The following SLC22A24 variants were observed in gnomAD, a reference collection of about 807,000 sequenced individuals.
SLC22A24 encodes the protein solute carrier family 22 member 24, also known as steroid transmembrane transporter SLC22A24.
Under a neutral mutation model 49.8 loss-of-function variants are expected in SLC22A24, and 53 were observed. The observed-to-expected ratio is 1.06, with a 90% CI of 0.85 to 1.34. SLC22A24 has a LOEUF of 1.34. SLC22A24 is among the 40% of genes most tolerant of loss of function. SLC22A24 has a pLI of 0.00. For missense variants in SLC22A24, 786 were observed against 675.9 expected, an observed-to-expected ratio of 1.16 and a Z score of -1.81; for synonymous variants, 302 against 256.4, an observed-to-expected ratio of 1.18 and a Z score of -1.70.
chr11:63,098,701 A>G (rs1001238988), intron 5 of SLC22A24, among the ~76,000 whole-genome samples: 3 of 152,088 alleles, frequency 2.0e-5, no homozygotes, highest in African/African-American at 4.8e-5. Flanking sequence ...AAATAAAAAA[A>G]CTAAACAATC....
At chr11:63,097,214 C>G (rs550450179) in intron 5 of SLC22A24, among the ~76,000 whole-genome samples, 1 of 121,202 alleles carries the variant, frequency 8.3e-6, no homozygotes, top group South Asian at 3.2e-4. Context: ...CTACAAGGAA[C>G]TTAAACAAAT....
At chr11:63,087,882 T>A (rs2086996866) in intron 6 of SLC22A24, among the ~76,000 whole-genome samples, 2 of 152,150 alleles carry the variant, frequency 1.3e-5, no homozygotes, top group African/African-American at 2.4e-5. Flanking sequence ...GGGCAAAGCA[T>A]CTCTGAAGGA....
chr11:63,080,896 G>C, intron 9 of SLC22A24, 24 bp downstream of exon 9: 1 of 1,542,864 alleles, frequency 6.5e-7, no homozygotes, highest in Non-Finnish European at 8.8e-7. Flanking sequence ...CCCCACTCAA[G>C]TGACAGCTAG....
At chr11:63,117,659 T>C (rs2087221030) in intron 4 of SLC22A24, among the ~76,000 whole-genome samples, 1 of 152,206 alleles carries the variant, frequency 6.6e-6, no homozygotes, top group African/African-American at 2.4e-5. Flanking sequence ...ACTTAATGAA[T>C]AGTAAATACA....
chr11:63,109,973 G>C (rs2087150834), intron 4 of SLC22A24, among the ~76,000 whole-genome samples: 1 of 152,116 alleles, frequency 6.6e-6, no homozygotes, highest in Non-Finnish European at 1.5e-5. Flanking sequence ...GGGTTTTTAT[G>C]GTTTTAGATC....
intron 5 of SLC22A24, among the ~76,000 whole-genome samples, chr11:63,098,722 T>C (rs1172296247): frequency 6.6e-6 from 1 of 151,882 alleles, no homozygotes; most frequent in African/African-American, 2.4e-5. Context: ...TAATGATGTG[T>C]CTTACAGAAT....
At chr11:63,126,125 T>C (rs576630369) in intron 2 of SLC22A24, among the ~76,000 whole-genome samples, 2 of 152,266 alleles carry the variant, frequency 1.3e-5, no homozygotes, top group South Asian at 2.1e-4. Context: ...TTCACTCTAA[T>C]GGTAGTTTCT....
At chr11:63,088,181 T>C (rs1055915797) in intron 6 of SLC22A24, among the ~76,000 whole-genome samples, 15 of 152,174 alleles carry the variant, frequency 9.9e-5, no homozygotes, top group Admixed American at 8.5e-4. Context: ...AGAGCTCCAG[T>C]TGGCATCAGG....
intron 4 of SLC22A24, among the ~76,000 whole-genome samples, chr11:63,118,150 C>A (rs2134665546): frequency 6.6e-6 from 1 of 152,094 alleles, no homozygotes; most frequent in Non-Finnish European, 1.5e-5. Context: ...ATAATGACAG[C>A]TTTTTGTGAA....
intron 2 of SLC22A24, among the ~76,000 whole-genome samples, chr11:63,123,345 G>T (rs986802437): frequency 1.3e-5 from 2 of 152,142 alleles, no homozygotes; most frequent in Admixed American, 1.3e-4. Context: ...TGATCATATG[G>T]TGAGTTCCTG....
intron 4 of SLC22A24, among the ~76,000 whole-genome samples, chr11:63,109,173 A>G (rs1201463044): frequency 6.7e-6 from 1 of 149,988 alleles, no homozygotes; most frequent in African/African-American, 2.4e-5. Context: ...AAAGGACATG[A>G]ACTCATCATT....
At chr11:63,142,565 A>G (rs2087422070) in intron 1 of SLC22A24, among the ~76,000 whole-genome samples, 1 of 152,182 alleles carries the variant, frequency 6.6e-6, no homozygotes, top group Admixed American at 6.6e-5. Context: ...AACGTTAGCC[A>G]CAGGATTAGA....
At chr11:63,132,845 G>T (rs972252000) in intron 2 of SLC22A24, among the ~76,000 whole-genome samples, 1 of 152,220 alleles carries the variant, frequency 6.6e-6, no homozygotes, top group East Asian at 1.9e-4. Flanking sequence ...AGAGCTGTCA[G>T]ACAGGGATGT....
At position 63,143,656 on chromosome 11, in the gene SLC22A24, C is replaced by T. The variant is rs2087432573; in HGVS notation, c.124G>A (p.Ala42Thr). ...FPNIVLENFT[A>T]FTPSHRCWVP... ...CAGCAGCGATGACTAGGGGTGAATG[C>T]AGTGAAGTTCTCCAACACAATATTA... Residue 42 changes from alanine (A) to threonine (T), a missense_variant, in exon 1 of 10, where the codon GCA (alanine) becomes ACA (threonine). By Grantham distance (58) the Ala-to-Thr change is moderately conservative (BLOSUM62 0). Coordinates refer to ENST00000612278, the MANE Select transcript of SLC22A24 (RefSeq NM_001136506.2). 3 of 1,598,190 alleles carry T rather than the reference C, an allele frequency of 1.9e-6. No homozygotes were observed. The Admixed American group carries it at 5.2e-5, about 28-fold the overall frequency.
At chr11:63,129,119 TA>T (rs1224118832) in intron 2 of SLC22A24, among the ~76,000 whole-genome samples, 1 of 152,224 alleles carries the variant, frequency 6.6e-6, no homozygotes, top group Non-Finnish European at 1.5e-5. Flanking sequence ...GTCTTACATT[TA>T]AGTCTTTAAT....
intron 7 of SLC22A24, among the ~76,000 whole-genome samples, chr11:63,082,803 G>T (rs1263936061): frequency 6.6e-6 from 1 of 152,234 alleles, no homozygotes; most frequent in Non-Finnish European, 1.5e-5. Context: ...AGAGGATATG[G>T]ACAAGTTAGA....
intron 6 of SLC22A24, among the ~76,000 whole-genome samples, chr11:63,094,821 T>C (rs2087043066): frequency 6.6e-6 from 1 of 152,256 alleles, no homozygotes; most frequent in Non-Finnish European, 1.5e-5. Context: ...CACTTTTTAA[T>C]GGGGTTGTTT....
chr11:63,090,851 T>A (rs1590729807), intron 6 of SLC22A24, among the ~76,000 whole-genome samples: 1 of 152,106 alleles, frequency 6.6e-6, no homozygotes, highest in East Asian at 1.9e-4. Flanking sequence ...ACTGACATTC[T>A]AATATCACAA....
intron 2 of SLC22A24, among the ~76,000 whole-genome samples, chr11:63,123,081 A>G (rs1418947327): frequency 6.6e-6 from 1 of 152,192 alleles, no homozygotes; most frequent in African/African-American, 2.4e-5. Flanking sequence ...AGGAAGGAGA[A>G]GAGGCAAAGA....
Sources: gnomAD v4.1 joint callset for allele counts (sites outside exome capture counted in the v4.1 genomes callset) on GRCh38, gnomAD v4.1.1 for gene constraint, MANE v1.5 for transcripts, NCBI Gene and HGNC (gene_info 2026-07-23, HGNC 2026-07-21) for gene names.